LHFPL6: variants seen among roughly 807,000 people sequenced by gnomAD.
LHFPL6 encodes the protein LHFPL tetraspan subfamily member 6.
In LHFPL6, 9 loss-of-function variants were observed where a neutral mutation model predicts 20.6. That is an observed-to-expected ratio of 0.44 (90% CI 0.26 to 0.76). The LOEUF is 0.76. Among genes scored for constraint, LHFPL6 ranks in the 30% least tolerant of loss-of-function variants. The pLI is 0.20. For synonymous variants in LHFPL6, 105 were observed against 98.7 expected, an observed-to-expected ratio of 1.06 and a Z score of -0.38; for missense variants, 218 against 253.5, an observed-to-expected ratio of 0.86 and a Z score of 0.95.
In LHFPL6 at chr13:39,459,514, G is replaced by A. The variant is rs571899334; in HGVS notation, c.386-80988C>T. On this transcript the variant is annotated intron_variant, in intron 2 of 3. Coordinates refer to ENST00000379589, the MANE Select transcript of LHFPL6 (RefSeq NM_005780.3). ...GGGCTGGCTGGAAGGTAGCTGACTC[G>A]TCAGTAATTTTCAATACTTTAACAT... 3.4e-4 allele frequency among the ~76,000 whole-genome samples: 52 copies of A among 152,034 alleles called. 1 individual carries two copies. In the South Asian group the frequency reaches 7.9e-3, roughly 23 times the overall value.
intron 3 of LHFPL6, among the ~76,000 whole-genome samples, chr13:39,349,440 C>G (rs1202382369): frequency 6.6e-6 from 1 of 152,132 alleles, no homozygotes; most frequent in East Asian, 1.9e-4. Context: ...TCTTCCCTTC[C>G]TTTTTCCTTT....
intron 2 of LHFPL6, among the ~76,000 whole-genome samples, chr13:39,472,078 C>T (rs1314929684): frequency 6.6e-6 from 1 of 152,174 alleles, no homozygotes; most frequent in Non-Finnish European, 1.5e-5. Flanking sequence ...GAGACCAGAA[C>T]CTGAGATTTT....
At chr13:39,364,214 C>T (rs145919001) in intron 3 of LHFPL6, among the ~76,000 whole-genome samples, 6 of 152,294 alleles carry the variant, frequency 3.9e-5, no homozygotes, top group South Asian at 4.1e-4. Flanking sequence ...TCAGAGAAAC[C>T]GGCCCTGGAA....
intron 2 of LHFPL6, among the ~76,000 whole-genome samples, chr13:39,398,967 GA>G (rs1156897788): frequency 6.6e-6 from 1 of 152,298 alleles, no homozygotes; most frequent in Admixed American, 6.5e-5. Context: ...CCTGGTGCCA[GA>G]AAGTTAGGGT....
chr13:39,443,981 T>C (rs949977781), intron 2 of LHFPL6, among the ~76,000 whole-genome samples: 2 of 152,154 alleles, frequency 1.3e-5, no homozygotes, highest in Non-Finnish European at 2.9e-5. Context: ...TTTTGACTTA[T>C]TGTATTTTCA....
intron 2 of LHFPL6, among the ~76,000 whole-genome samples, chr13:39,384,828 C>T (rs1366587856): frequency 6.6e-6 from 1 of 152,206 alleles, no homozygotes; most frequent in South Asian, 2.1e-4. Flanking sequence ...AACCAAATTC[C>T]TTTGTCACCG....
intron 3 of LHFPL6, among the ~76,000 whole-genome samples, chr13:39,369,289 G>A (rs1341695908): frequency 2.6e-5 from 4 of 151,716 alleles, no homozygotes; most frequent in Admixed American, 6.6e-5. Context: ...GCTTTACAAA[G>A]GCATAAATAA....
chr13:39,552,847 G>A (rs570325813), intron 2 of LHFPL6, among the ~76,000 whole-genome samples: 3 of 152,238 alleles, frequency 2.0e-5, no homozygotes, highest in African/African-American at 7.2e-5. Flanking sequence ...TTTGGAGGTG[G>A]TGACCAAGAA....
At chr13:39,440,407 C>G (rs563585715) in intron 2 of LHFPL6, among the ~76,000 whole-genome samples, 1 of 152,260 alleles carries the variant, frequency 6.6e-6, no homozygotes, top group South Asian at 2.1e-4. Context: ...GATGGGAGGA[C>G]TGCTTGAGGC....
chr13:39,468,558 T>G (rs1287833457), intron 2 of LHFPL6, among the ~76,000 whole-genome samples: 3 of 152,224 alleles, frequency 2.0e-5, no homozygotes, highest in Non-Finnish European at 4.4e-5. Flanking sequence ...AGTGGCATAA[T>G]GCTTCCATGA....
At chr13:39,353,126 G>A (rs1792966837) in intron 3 of LHFPL6, among the ~76,000 whole-genome samples, 1 of 150,518 alleles carries the variant, frequency 6.6e-6, no homozygotes. Context: ...GGGATTACAG[G>A]TGTGTGCCAC....
chr13:39,408,028 T>C (rs1201154519), intron 2 of LHFPL6, among the ~76,000 whole-genome samples: 9 of 152,328 alleles, frequency 5.9e-5, no homozygotes, highest in African/African-American at 2.2e-4. Flanking sequence ...AGAGACTACT[T>C]ACTCATCTTT....
At chr13:39,404,817 G>GT (rs1339403565) in intron 2 of LHFPL6, among the ~76,000 whole-genome samples, 1 of 152,146 alleles carries the variant, frequency 6.6e-6, no homozygotes, top group Non-Finnish European at 1.5e-5. Context: ...GACCTAGACT[G>GT]TTTTATTATC....
chr13:39,370,159 G>A (rs1322822526), intron 3 of LHFPL6, among the ~76,000 whole-genome samples: 1 of 152,174 alleles, frequency 6.6e-6, no homozygotes, highest in East Asian at 1.9e-4. Context: ...CCTTGCGGGT[G>A]CCTGAACACT....
intron 2 of LHFPL6, among the ~76,000 whole-genome samples, chr13:39,396,238 C>T (rs1415368600): frequency 3.3e-5 from 5 of 152,074 alleles, no homozygotes; most frequent in Admixed American, 6.6e-5. Context: ...GCTGCTCTAC[C>T]TGCTTTCTGA....
chr13:39,411,189 AT>A (rs1871234854), intron 2 of LHFPL6, among the ~76,000 whole-genome samples: 1 of 152,246 alleles, frequency 6.6e-6, no homozygotes, highest in Non-Finnish European at 1.5e-5. Context: ...AGTTGCTAAT[AT>A]TTCATCAAAA....
intron 3 of LHFPL6, among the ~76,000 whole-genome samples, chr13:39,374,424 G>A (rs1432849311): frequency 6.6e-6 from 1 of 151,836 alleles, no homozygotes; most frequent in Non-Finnish European, 1.5e-5. Flanking sequence ...CTAACTCTTG[G>A]GCATTATGCT....
At chr13:39,593,930 T>G (rs1214716817) in intron 2 of LHFPL6, among the ~76,000 whole-genome samples, 4 of 152,232 alleles carry the variant, frequency 2.6e-5, no homozygotes, top group African/African-American at 9.6e-5. Context: ...AAGCTGAAAC[T>G]GGATCCCTTC....
At chr13:39,599,180 T>C (rs927826003) in intron 2 of LHFPL6, among the ~76,000 whole-genome samples, 1 of 152,140 alleles carries the variant, frequency 6.6e-6, no homozygotes, top group South Asian at 2.1e-4. Context: ...CTGCCAGAAA[T>C]AATAGCAGGC....
Sources: allele counts gnomAD v4.1 joint callset (sites outside exome capture counted in the v4.1 genomes callset), GRCh38; gene constraint gnomAD v4.1.1; transcripts MANE v1.5; gene names NCBI Gene and HGNC (gene_info 2026-07-23, HGNC 2026-07-21).